The following NIPBL variants were observed in gnomAD, a reference collection of about 807,000 sequenced individuals.
NIPBL encodes the protein nipped-B-like protein.
In NIPBL, 19 loss-of-function variants were observed where a neutral mutation model predicts 321.8. The observed-to-expected ratio is 0.06, with a 90% confidence interval of 0.04 to 0.09. The LOEUF (loss-of-function observed/expected upper bound fraction) is 0.09, where lower values mean the gene tolerates loss of function less well. Ranked by LOEUF, NIPBL falls within the 10% of genes least tolerant of loss-of-function variation. NIPBL has a pLI of 1.00. For synonymous variants in NIPBL, 1,106 were observed against 1,114.1 expected, an observed-to-expected ratio of 0.99 and a Z score of 0.14; for missense variants, 2,210 against 3,327.0, an observed-to-expected ratio of 0.66 and a Z score of 8.26.
intron 1 of NIPBL, among the ~76,000 whole-genome samples, chr5:36,952,018 C>CTGTG (rs60067315): frequency 0.075 from 7,649 of 101,650 alleles, 485 homozygotes; most frequent in African/African-American, 0.16. Context: ...CTCTGTTAAA[C>CTGTG]TGTGTGTGTG....
chr5:36,916,330 C>T (rs190207419), intron 1 of NIPBL, among the ~76,000 whole-genome samples: 7 of 152,292 alleles, frequency 4.6e-5, no homozygotes, highest in Non-Finnish European at 7.4e-5. Flanking sequence ...GACAATGTTT[C>T]TTCTGAAACT....
intron 16 of NIPBL, among the ~76,000 whole-genome samples, chr5:37,004,677 G>T (rs983586102): frequency 6.6e-6 from 1 of 152,116 alleles, no homozygotes; most frequent in Admixed American, 6.5e-5. Context: ...AAAGCTCTGG[G>T]ACCACAGATG....
intron 1 of NIPBL, among the ~76,000 whole-genome samples, chr5:36,907,897 A>AT (rs1747760361): frequency 6.6e-6 from 1 of 152,220 alleles, no homozygotes; most frequent in Non-Finnish European, 1.5e-5. Context: ...AACTGAAAAG[A>AT]ATAAATCAAA....
At chr5:36,901,983 T>G (rs2149535332) in intron 1 of NIPBL, among the ~76,000 whole-genome samples, 1 of 152,370 alleles carries the variant, frequency 6.6e-6, no homozygotes, top group South Asian at 2.1e-4. Flanking sequence ...ATTGTGGTTT[T>G]GATTTGCATT....
intron 1 of NIPBL, among the ~76,000 whole-genome samples, chr5:36,883,651 T>G (rs1239937181): frequency 6.6e-6 from 1 of 152,000 alleles, no homozygotes; most frequent in Non-Finnish European, 1.5e-5. Context: ...AAAATGTCCT[T>G]TAATCCTGGT....
Position 37,065,266 on chromosome 5 carries a change from C to A in NIPBL, c.*374C>A. On this transcript the variant is annotated 3_prime_UTR_variant, in exon 47 of 47. Transcript: ENST00000282516. ...GCGGATGGCTTTCTTTAGCTTAGCC[C>A]AGTTTCCAGGGAAGCATTGTTTTTT... 8.9e-6 allele frequency: 2 copies of A among 225,964 alleles called. No homozygotes were observed. Among genetic ancestry groups the A allele is most frequent in the South Asian group, 6.1e-5 (1 of 16,370 alleles). 14.0% of individuals were successfully genotyped at this position (225,964 alleles called of 1,614,324 possible).
At chr5:36,989,524 T>A (rs1443106754) in intron 10 of NIPBL, among the ~76,000 whole-genome samples, 2 of 152,160 alleles carry the variant, frequency 1.3e-5, no homozygotes, top group African/African-American at 4.8e-5. Context: ...ATTACCCTAA[T>A]GTATAGTGTC....
At chr5:37,060,288 A>G (rs1381447666) in intron 44 of NIPBL, among the ~76,000 whole-genome samples, 1 of 152,200 alleles carries the variant, frequency 6.6e-6, no homozygotes, top group Non-Finnish European at 1.5e-5. Context: ...CCACCTGAGT[A>G]GCTGGGAGTA....
At chr5:36,935,028 AG>A (rs1213718287) in intron 1 of NIPBL, among the ~76,000 whole-genome samples, 1 of 152,120 alleles carries the variant, frequency 6.6e-6, no homozygotes, top group Non-Finnish European at 1.5e-5. Flanking sequence ...TTAAATTCAA[AG>A]GTCATTTAAT....
intron 1 of NIPBL, among the ~76,000 whole-genome samples, chr5:36,914,083 T>TGACC (rs997268976): frequency 6.6e-6 from 1 of 152,196 alleles, no homozygotes; most frequent in African/African-American, 2.4e-5. Context: ...TCCTCCACGG[T>TGACC]GACCACCACA....
chr5:36,882,534 C>T (rs1204204444), intron 1 of NIPBL, among the ~76,000 whole-genome samples: 2 of 151,880 alleles, frequency 1.3e-5, no homozygotes, highest in Non-Finnish European at 2.9e-5. Context: ...GCCTTAACCA[C>T]GATACTGTGT....
chr5:37,033,723 TA>T (rs1751360150), intron 32 of NIPBL, among the ~76,000 whole-genome samples: 23 of 94,498 alleles, frequency 2.4e-4, no homozygotes, highest in Middle Eastern at 4.5e-3. Context: ...TATATATATA[TA>T]TATATATTTT....
At chr5:36,920,891 A>T (rs1435984029) in intron 1 of NIPBL, among the ~76,000 whole-genome samples, 1 of 149,550 alleles carries the variant, frequency 6.7e-6, no homozygotes, top group Non-Finnish European at 1.5e-5. Context: ...TTGCTGCTAT[A>T]GTTGTCACTT....
intron 9 of NIPBL, among the ~76,000 whole-genome samples, chr5:36,978,064 CAT>C (rs1309150040): frequency 1.3e-5 from 2 of 152,014 alleles, no homozygotes; most frequent in Non-Finnish European, 1.5e-5. Context: ...CTGTGATAAA[CAT>C]ATGAGTGCAG....
intron 7 of NIPBL, chr5:36,971,684 G>GA (rs1315092059): frequency 5.5e-6 from 2 of 361,908 alleles, no homozygotes; most frequent in East Asian, 3.3e-4. Flanking sequence ...TCCTTTTGTA[G>GA]AAAAAAGCAA....
chr5:36,891,883 A>G (rs1746360993), intron 1 of NIPBL, among the ~76,000 whole-genome samples: 1 of 152,186 alleles, frequency 6.6e-6, no homozygotes, highest in Admixed American at 6.5e-5. Context: ...GTTATAGTTT[A>G]GTGATTCTAT....
At chr5:36,963,549 C>G (rs1741862941) in intron 6 of NIPBL, among the ~76,000 whole-genome samples, 2 of 151,896 alleles carry the variant, frequency 1.3e-5, no homozygotes, top group Non-Finnish European at 2.9e-5. Flanking sequence ...CACTTGTAAT[C>G]CCAGCACTGT....
At chr5:36,943,932 A>G (rs1246659730) in intron 1 of NIPBL, among the ~76,000 whole-genome samples, 1 of 152,138 alleles carries the variant, frequency 6.6e-6, no homozygotes, top group Non-Finnish European at 1.5e-5. Context: ...AGCAATTTTA[A>G]TGTAATTGCT....
intron 1 of NIPBL, among the ~76,000 whole-genome samples, chr5:36,922,991 T>G (rs1749063496): frequency 6.6e-6 from 1 of 152,014 alleles, no homozygotes; most frequent in East Asian, 1.9e-4. Flanking sequence ...ACTAAACCAA[T>G]TAAAGCTGGC....
Sources: gnomAD v4.1 joint callset for allele counts (sites outside exome capture counted in the v4.1 genomes callset) on GRCh38, gnomAD v4.1.1 for gene constraint, MANE v1.5 for transcripts, NCBI Gene and HGNC (gene_info 2026-07-23, HGNC 2026-07-21) for gene names.